The following SOCS2 variants were observed in gnomAD, a reference collection of about 807,000 sequenced individuals.
SOCS2 encodes CIS-2.
SOCS2 carries 10 observed loss-of-function variants against 18.6 expected under a neutral mutation model. The observed-to-expected ratio is 0.54, with a 90% CI of 0.33 to 0.91. SOCS2 has a LOEUF of 0.91. Among genes scored for constraint, SOCS2 ranks in the 40% least tolerant of loss-of-function variants. The pLI, the probability that SOCS2 is intolerant of heterozygous loss-of-function variation, is 0.02. For synonymous variants in SOCS2, 104 were observed against 104.0 expected, an observed-to-expected ratio of 1.00 and a Z score of 0.00; for missense variants, 231 against 247.2, an observed-to-expected ratio of 0.93 and a Z score of 0.44.
downstream of SOCS2, among the ~76,000 whole-genome samples, chr12:93,576,915 A>T (rs1313684333): frequency 1.3e-5 from 2 of 152,208 alleles, no homozygotes; most frequent in African/African-American, 4.8e-5. Context: ...TTGGGGTCGG[A>T]TCTATGATGG....
the SOCS2 span, among the ~76,000 whole-genome samples, chr12:93,614,624 T>TTTCTTTCTTTCTTTC: frequency 1.7e-5 from 2 of 119,782 alleles, no homozygotes; most frequent in Admixed American, 9.0e-5. Context: ...TCTTTCTTTC[T>TTTCTTTCTTTCTTTC]TTCTTTCTTT....
At chr12:93,586,938 C>T (rs542118840), downstream of SOCS2, among the ~76,000 whole-genome samples, 8 of 152,102 alleles carry the variant, frequency 5.3e-5, no homozygotes, top group East Asian at 1.2e-3. Flanking sequence ...GAGGCCGACA[C>T]GGGTGGATCA....
chr12:93,624,687 T>C, the SOCS2 span, among the ~76,000 whole-genome samples: 26 of 152,226 alleles, frequency 1.7e-4, no homozygotes, highest in African/African-American at 5.8e-4. Flanking sequence ...CACTGTTTTA[T>C]AAGAGCAGAA....
chr12:93,594,902 C>T, the SOCS2 span, among the ~76,000 whole-genome samples: 1 of 152,104 alleles, frequency 6.6e-6, no homozygotes, highest in South Asian at 2.1e-4. Context: ...GTTAATACAT[C>T]GAATTGAATA....
downstream of SOCS2, among the ~76,000 whole-genome samples, chr12:93,586,234 ATC>A (rs1954584387): frequency 6.6e-6 from 1 of 152,214 alleles, no homozygotes; most frequent in African/African-American, 2.4e-5. Flanking sequence ...CTAAAATTAA[ATC>A]TGTCTTTTCT....
the SOCS2 span, among the ~76,000 whole-genome samples, chr12:93,625,370 T>G: frequency 6.6e-6 from 1 of 152,332 alleles, no homozygotes; most frequent in Middle Eastern, 3.4e-3. Context: ...GCAATTGAAA[T>G]AAAGGTACAG....
At chr12:93,578,499 A>G (rs1160112047), downstream of SOCS2, among the ~76,000 whole-genome samples, 3 of 152,152 alleles carry the variant, frequency 2.0e-5, no homozygotes, top group Non-Finnish European at 4.4e-5. Flanking sequence ...CGTCCTTTCT[A>G]TCCTTTAGAG....
downstream of SOCS2, among the ~76,000 whole-genome samples, chr12:93,577,360 A>G (rs1414237790): frequency 2.0e-5 from 3 of 152,176 alleles, no homozygotes; most frequent in Non-Finnish European, 4.4e-5. Context: ...GATGACTGAC[A>G]TCATTTATTT....
At chr12:93,585,868 C>T (rs1954581885), downstream of SOCS2, among the ~76,000 whole-genome samples, 2 of 152,248 alleles carry the variant, frequency 1.3e-5, no homozygotes, top group South Asian at 4.1e-4. Context: ...ATGCTTAAAT[C>T]TCTTATATGA....
chr12:93,607,420 A>G, the SOCS2 span, among the ~76,000 whole-genome samples: 2 of 152,300 alleles, frequency 1.3e-5, no homozygotes, highest in Admixed American at 1.3e-4. Context: ...TAAAAAGGGA[A>G]CCTGGTTCCT....
chr12:93,626,021 T>C, the SOCS2 span, among the ~76,000 whole-genome samples: 12 of 152,192 alleles, frequency 7.9e-5, no homozygotes, highest in African/African-American at 2.2e-4. Flanking sequence ...ACAGAAGCAA[T>C]TGGGACCCAA....
intron 1 of SOCS2, chr12:93,574,434 CTT>C (rs1954390559): frequency 3.7e-6 from 1 of 267,216 alleles, no homozygotes; most frequent in East Asian, 7.5e-5. Flanking sequence ...TGCAGATGTT[CTT>C]TTGGTTCATT....
chr12:93,598,827 C>T, the SOCS2 span, among the ~76,000 whole-genome samples: 64 of 152,170 alleles, frequency 4.2e-4, no homozygotes, highest in Non-Finnish European at 3.8e-4. Flanking sequence ...GGATAGGATA[C>T]TAGAGTTTCT....
chr12:93,581,005 C>T (rs1456799161), downstream of SOCS2, among the ~76,000 whole-genome samples: 1 of 152,176 alleles, frequency 6.6e-6, no homozygotes, highest in Non-Finnish European at 1.5e-5. Context: ...TCTCTGTTCT[C>T]TCATTTTATT....
the SOCS2 span, among the ~76,000 whole-genome samples, chr12:93,609,903 C>G: frequency 4.1e-3 from 627 of 152,204 alleles, 5 homozygotes; most frequent in African/African-American, 0.015. Context: ...CTGGAGAGGG[C>G]CTTCTTGCAG....
chr12:93,602,062 A>G, the SOCS2 span, among the ~76,000 whole-genome samples: 2 of 152,194 alleles, frequency 1.3e-5, no homozygotes, highest in Non-Finnish European at 2.9e-5. Flanking sequence ...CCAAGAAAAA[A>G]CAAGAAAAAG....
chr12:93,623,006 A>G, the SOCS2 span, among the ~76,000 whole-genome samples: 3 of 152,218 alleles, frequency 2.0e-5, no homozygotes, highest in Non-Finnish European at 4.4e-5. Flanking sequence ...TGCTGTTTAG[A>G]GTTTGAAATT....
downstream of SOCS2, among the ~76,000 whole-genome samples, chr12:93,587,958 A>G (rs1239942178): frequency 6.6e-6 from 1 of 152,204 alleles, no homozygotes; most frequent in African/African-American, 2.4e-5. Flanking sequence ...CAACAGAGTG[A>G]CCGCATCAGA....
At chr12:93,617,336 G>A in the SOCS2 span, among the ~76,000 whole-genome samples, 1 of 152,158 alleles carries the variant, frequency 6.6e-6, no homozygotes, top group Admixed American at 6.5e-5. Context: ...CTAAACTAGG[G>A]TGTGGGAGTA....
Sources: gnomAD v4.1 joint callset for allele counts (sites outside exome capture counted in the v4.1 genomes callset) on GRCh38, gnomAD v4.1.1 for gene constraint, MANE v1.5 for transcripts, NCBI Gene and HGNC (gene_info 2026-07-23, HGNC 2026-07-21) for gene names.